The following SKIC3 variants were observed in gnomAD, a reference collection of about 807,000 sequenced individuals.
SKIC3 encodes the protein superkiller complex protein 3.
chr5:95,525,439 C>A, the SKIC3 span: 2 of 1,613,914 alleles, frequency 1.2e-6, no homozygotes, highest in African/African-American at 1.3e-5. Context: ...TGAAATGAAT[C>A]AAAGCCTCAA....
the SKIC3 span, chr5:95,536,609 AACTCAT>A: frequency 1.9e-6 from 1 of 514,502 alleles, no homozygotes; most frequent in African/African-American, 1.9e-5. Flanking sequence ...TAAATCTGGC[AACTCAT>A]AATTCTTCTG....
chr5:95,477,608 A>G, the SKIC3 span, among the ~76,000 whole-genome samples: 2 of 152,320 alleles, frequency 1.3e-5, no homozygotes, highest in African/African-American at 4.8e-5. Flanking sequence ...TAAAACCCCC[A>G]GTCCCCTTCT....
chr5:95,464,845 T>C, the SKIC3 span, among the ~76,000 whole-genome samples: 1 of 151,754 alleles, frequency 6.6e-6, no homozygotes, highest in Admixed American at 6.6e-5. Context: ...CTTTTGCAGA[T>C]ATAAATTGTT....
At chr5:95,494,034 A>G in the SKIC3 span, among the ~76,000 whole-genome samples, 1 of 152,122 alleles carries the variant, frequency 6.6e-6, no homozygotes, top group Non-Finnish European at 1.5e-5. Context: ...CCATCCTTCA[A>G]GAAGCTAACT....
chr5:95,469,018 C>G, the SKIC3 span, among the ~76,000 whole-genome samples: 6 of 152,146 alleles, frequency 3.9e-5, no homozygotes, highest in Non-Finnish European at 8.8e-5. Flanking sequence ...CTTCCACCAT[C>G]CCTATTTTGT....
chr5:95,513,547 CAAG>C, the SKIC3 span: 11 of 1,607,810 alleles, frequency 6.8e-6, no homozygotes, highest in Admixed American at 1.7e-5. Context: ...AATGAATCCT[CAAG>C]AAGAATGTTC....
chr5:95,536,954 C>T, the SKIC3 span: 1 of 1,601,994 alleles, frequency 6.2e-7, no homozygotes, highest in Non-Finnish European at 8.6e-7. Context: ...AAATACACTA[C>T]ATTCTAGTAG....
the SKIC3 span, among the ~76,000 whole-genome samples, chr5:95,533,781 CT>C: frequency 6.6e-6 from 1 of 152,138 alleles, no homozygotes; most frequent in African/African-American, 2.4e-5. Context: ...TATCAGAGCA[CT>C]TTGTCAACCA....
chr5:95,503,942 A>C, the SKIC3 span: 1 of 1,613,814 alleles, frequency 6.2e-7, no homozygotes, highest in East Asian at 2.2e-5. Context: ...AGTGGAACTA[A>C]GAAGTAAAGC....
At chr5:95,541,708 AG>A in the SKIC3 span, 1 of 804,834 alleles carries the variant, frequency 1.2e-6, no homozygotes, top group Admixed American at 2.9e-5. Context: ...AAAAAAAAAA[AG>A]CTTCGCAATT....
At chr5:95,535,307 A>ATTTTTT in the SKIC3 span, among the ~76,000 whole-genome samples, 11 of 91,804 alleles carry the variant, frequency 1.2e-4, no homozygotes, top group Non-Finnish European at 1.7e-4. Flanking sequence ...GGTAACAGCA[A>ATTTTTT]TTTTTTTTTT....
At chr5:95,468,057 C>G in the SKIC3 span, 1 of 1,576,078 alleles carries the variant, frequency 6.3e-7, no homozygotes, top group South Asian at 1.1e-5. Context: ...CTATACTAAT[C>G]TCACACACAC....
the SKIC3 span, among the ~76,000 whole-genome samples, chr5:95,516,092 A>G: frequency 0.23 from 34,973 of 152,074 alleles, 5,083 homozygotes; most frequent in African/African-American, 0.41. Context: ...ATTCAGAATC[A>G]AACTGTTTTA....
chr5:95,486,921 G>A, the SKIC3 span, among the ~76,000 whole-genome samples: 131 of 152,262 alleles, frequency 8.6e-4, no homozygotes, highest in Admixed American at 1.9e-3. Context: ...CAGCCGAATT[G>A]TGATGGTTAA....
At chr5:95,531,250 AAT>A in the SKIC3 span, among the ~76,000 whole-genome samples, 2 of 152,214 alleles carry the variant, frequency 1.3e-5, no homozygotes, top group East Asian at 3.8e-4. Context: ...AATATGTAGT[AAT>A]ATGTTATATA....
chr5:95,496,153 G>A, the SKIC3 span, among the ~76,000 whole-genome samples: 1 of 152,052 alleles, frequency 6.6e-6, no homozygotes, highest in African/African-American at 2.4e-5. Context: ...GAGTAGCTGG[G>A]ACTACAGGCG....
the SKIC3 span, chr5:95,504,050 T>A: frequency 1.1e-6 from 1 of 881,124 alleles, no homozygotes; most frequent in Admixed American, 2.3e-5. Context: ...GGCTCACATC[T>A]GTAATCCCAG....
chr5:95,503,709 A>G, the SKIC3 span: 1 of 1,535,216 alleles, frequency 6.5e-7, no homozygotes, highest in Non-Finnish European at 8.9e-7. Context: ...TTTAATAAAC[A>G]TTGCAACCCC....
chr5:95,546,912 G>A, the SKIC3 span: 3 of 735,358 alleles, frequency 4.1e-6, no homozygotes, highest in South Asian at 1.6e-5. Flanking sequence ...CTGCTAACTA[G>A]AGGTTAAAAG....
Sources: gnomAD v4.1 joint callset for allele counts (sites outside exome capture counted in the v4.1 genomes callset) on GRCh38, gnomAD v4.1.1 for gene constraint, MANE v1.5 for transcripts, NCBI Gene and HGNC (gene_info 2026-07-23, HGNC 2026-07-21) for gene names.